Variants in HADHB observed in about 807,000 individuals in gnomAD.
HADHB encodes hydroxyacyl-CoA dehydrogenase trifunctional multienzyme complex subunit beta.
HADHB carries 50 observed loss-of-function variants against 61.9 expected under a neutral mutation model. The observed-to-expected ratio is 0.81, with a 90% CI of 0.64 to 1.02. The LOEUF is 1.02. Ranked by LOEUF, HADHB falls within the 50% of genes least tolerant of loss-of-function variation. HADHB has a pLI of 0.00. For missense variants in HADHB, 504 were observed against 586.5 expected, an observed-to-expected ratio of 0.86 and a Z score of 1.45; for synonymous variants, 191 against 201.6, an observed-to-expected ratio of 0.95 and a Z score of 0.45.
chr2:26,268,143 A>C (rs967688416), intron 4 of HADHB, among the ~76,000 whole-genome samples: 1 of 152,072 alleles, frequency 6.6e-6, no homozygotes, highest in African/African-American at 2.4e-5. Context: ...CCCTATCTCA[A>C]AAAATAAAAA....
At chr2:26,247,672 C>T (rs1490482786) in intron 1 of HADHB, among the ~76,000 whole-genome samples, 1 of 152,150 alleles carries the variant, frequency 6.6e-6, no homozygotes, top group Non-Finnish European at 1.5e-5. Context: ...CATGTACAGA[C>T]TTTTTTTCTC....
At chr2:26,257,574 G>A (rs1394767834) in intron 3 of HADHB, among the ~76,000 whole-genome samples, 2 of 152,242 alleles carry the variant, frequency 1.3e-5, no homozygotes, top group Non-Finnish European at 2.9e-5. Flanking sequence ...GCTGAGGGAG[G>A]AGGAGGTGGT....
chr2:26,271,138 GC>G (rs1224958469), intron 5 of HADHB, among the ~76,000 whole-genome samples: 3 of 146,532 alleles, frequency 2.0e-5, no homozygotes, highest in African/African-American at 7.5e-5. Flanking sequence ...CTCGTGATCC[GC>G]CCTCCTCGGC....
At chr2:26,266,774 G>A (rs1385386242) in intron 4 of HADHB, among the ~76,000 whole-genome samples, 1 of 150,532 alleles carries the variant, frequency 6.6e-6, no homozygotes, top group Non-Finnish European at 1.5e-5. Context: ...CAGCTACTTG[G>A]GAGGCTGAGG....
chr2:26,279,978 T>A lies in HADHB; in HGVS notation c.812-16T>A, dbSNP rs771422114. The A allele has an allele frequency of 6.3e-6, 10 of 1,597,864 alleles. No homozygotes were observed. The highest frequency in any genetic ancestry group is 2.7e-5 in the African/African-American group (2 of 74,578). Reference sequence around the variant, plus strand: ...TTGTGGTTCCATAGAGTTAAAAAAATTCATTTTTTTAATAGGAAAAGATAC... The same window carrying A: ...TTGTGGTTCCATAGAGTTAAAAAAAATCATTTTTTTAATAGGAAAAGATAC... On this transcript the variant is annotated splice_polypyrimidine_tract_variant and intron_variant, in intron 9 of 15. Coordinates refer to ENST00000317799, the MANE Select transcript of HADHB (RefSeq NM_000183.3).
At chr2:26,275,942 A>G (rs1672519006) in intron 6 of HADHB, among the ~76,000 whole-genome samples, 1 of 152,244 alleles carries the variant, frequency 6.6e-6, no homozygotes, top group Non-Finnish European at 1.5e-5. Context: ...GTTTCAGGGA[A>G]AGAATACTAA....
rs1671498847 is a variant in HADHB, at chr2:26,253,857, A to AAAT, written c.-8-388_-8-387insTAA. The stretch of plus-strand genomic sequence containing the variant: ...AACAAGAGCAAAACTCCATCTCAAA[A>AAAT]AAATAAATAAATAAATAAATAAATA... On this transcript the variant is annotated intron_variant, in intron 1 of 15. Transcript: ENST00000317799. Among the ~76,000 whole-genome samples, 32 of 125,582 alleles carry AAAT rather than the reference A, an allele frequency of 2.5e-4. 1 individual carries two copies. Among genetic ancestry groups the AAAT allele is most frequent in the African/African-American group, 4.8e-4 (17 of 35,666 alleles). 82.4% of individuals were successfully genotyped at this position (125,582 alleles called of 152,430 possible). A position where few individuals can be genotyped will look rare whatever the true frequency, so the allele number is the denominator to read the frequency against.
intron 1 of HADHB, among the ~76,000 whole-genome samples, chr2:26,251,436 C>A (rs1368309033): frequency 1.3e-5 from 2 of 152,204 alleles, no homozygotes; most frequent in African/African-American, 2.4e-5. Context: ...GATCCTCCCA[C>A]CTCGGCCTCC....
At chr2:26,264,768 G>A (rs1258904927) in intron 4 of HADHB, among the ~76,000 whole-genome samples, 2 of 151,754 alleles carry the variant, frequency 1.3e-5, no homozygotes, top group Non-Finnish European at 2.9e-5. Context: ...CCAGCACTTT[G>A]GAAGGCTAAG....
chr2:26,257,986 T>C (rs1447076809), intron 3 of HADHB, among the ~76,000 whole-genome samples: 1 of 151,874 alleles, frequency 6.6e-6, no homozygotes, highest in Non-Finnish European at 1.5e-5. Context: ...GCCACTGTAC[T>C]CTAGCCTGGG....
At chr2:26,285,740 T>G (rs1459127272) in intron 15 of HADHB, among the ~76,000 whole-genome samples, 169 bp downstream of exon 15, 1 of 51,348 alleles carries the variant, frequency 1.9e-5, no homozygotes, top group Admixed American at 1.9e-4. Context: ...GTTTTTTGGG[T>G]TTTTTTTTTT....
chr2:26,255,818 G>A lies in HADHB; in HGVS notation c.109+1344G>A, dbSNP rs77758896. On this transcript the variant is annotated intron_variant, in intron 3 of 15. Coordinates refer to ENST00000317799, the MANE Select transcript of HADHB (RefSeq NM_000183.3). ...TTGTCATATAACAAATATATTTCCT[G>A]TGGCCTTTACATTCTAACTAGAATA... Among the ~76,000 whole-genome samples the A allele has an allele frequency of 2.9e-3, 445 of 152,244 alleles. 4 individuals carry two copies. The highest frequency in any genetic ancestry group is 0.01 in the African/African-American group (429 of 41,534).
intron 3 of HADHB, chr2:26,254,679 G>A (rs1447653661): frequency 1.9e-6 from 1 of 527,212 alleles, no homozygotes; most frequent in Non-Finnish European, 3.4e-6. Flanking sequence ...GCTTGAGGAT[G>A]TTAATGGGAG....
At chr2:26,263,876 G>A (rs996181035) in intron 4 of HADHB, among the ~76,000 whole-genome samples, 1 of 152,054 alleles carries the variant, frequency 6.6e-6, no homozygotes, top group African/African-American at 2.4e-5. Context: ...TGGCCTCCTG[G>A]AAATTATTAA....
intron 6 of HADHB, among the ~76,000 whole-genome samples, chr2:26,275,171 C>T (rs1672492950): frequency 6.6e-6 from 1 of 152,162 alleles, no homozygotes; most frequent in Non-Finnish European, 1.5e-5. Context: ...TAAAAGCTAA[C>T]ATAATTTCCA....
At position 26,290,418 on chromosome 2, in the gene HADHB, G is replaced by C. The variant is rs1248942159; in HGVS notation, c.*465G>C. 1 of 185,648 alleles carries C rather than the reference G, an allele frequency of 5.4e-6. No individual in the cohort carries two copies. The highest frequency in any genetic ancestry group is 5.4e-5 in the Admixed American group (1 of 18,422). 11.5% of individuals were successfully genotyped at this position (185,648 alleles called of 1,614,324 possible). A position where few individuals can be genotyped will look rare whatever the true frequency, so the allele number is the denominator to read the frequency against. The stretch of plus-strand genomic sequence containing the variant: ...ACTGAAAACTTATAAAAAATGTTTA[G>C]ATACATAAATATGGTGGTCAGCGTT... On this transcript the variant is annotated 3_prime_UTR_variant, in exon 16 of 16. Transcript: ENST00000317799.
chr2:26,269,609 T>C (rs1162107503), intron 4 of HADHB, among the ~76,000 whole-genome samples: 1 of 152,152 alleles, frequency 6.6e-6, no homozygotes, highest in East Asian at 1.9e-4. Flanking sequence ...AAATAAATAA[T>C]ATACTTTTAA....
intron 8 of HADHB, 56 bp from the exon 9 acceptor site, chr2:26,279,079 T>C: frequency 7.5e-7 from 1 of 1,327,524 alleles, no homozygotes; most frequent in African/African-American, 1.4e-5. Context: ...CAATCCTAGG[T>C]GTTAGCATAA....
intron 15 of HADHB, 69 bp from the exon 16 acceptor site, chr2:26,289,849 T>C: frequency 9.7e-7 from 1 of 1,035,016 alleles, no homozygotes; most frequent in East Asian, 2.4e-5. Flanking sequence ...CTCCTTGTTC[T>C]CTGCTGTCCC....
Sources: gnomAD v4.1 joint callset for allele counts (sites outside exome capture counted in the v4.1 genomes callset) on GRCh38, gnomAD v4.1.1 for gene constraint, MANE v1.5 for transcripts, NCBI Gene and HGNC (gene_info 2026-07-23, HGNC 2026-07-21) for gene names.